Variants in KSR2 observed in about 807,000 individuals in gnomAD.
The protein encoded by KSR2 is kinase suppressor of ras 2.
KSR2 carries 25 observed loss-of-function variants against 107.8 expected under a neutral mutation model. The observed-to-expected ratio is 0.23, with a 90% CI of 0.17 to 0.32. The LOEUF (loss-of-function observed/expected upper bound fraction) is 0.32. Among genes scored for constraint, KSR2 ranks in the 10% least tolerant of loss-of-function variants. The probability of loss-of-function intolerance (pLI) is 1.00; values close to 1 mark genes in which losing one functional copy is unlikely to be tolerated. For missense variants in KSR2, 887 were observed against 1,268.9 expected (o/e 0.70, Z 4.57); for synonymous variants, 480 against 507.0 (o/e 0.95, Z 0.71).
intron 3 of KSR2, among the ~76,000 whole-genome samples, chr12:117,770,010 T>A (rs908259302): frequency 6.6e-6 from 1 of 151,140 alleles, no homozygotes; most frequent in African/African-American, 2.4e-5. Flanking sequence ...GCTAAGATTG[T>A]GTCATTGCAC....
chr12:117,606,697 TTTCTTCCTCCCC>T (rs774405602), intron 5 of KSR2, among the ~76,000 whole-genome samples: 6 of 140,444 alleles, frequency 4.3e-5, no homozygotes, highest in Non-Finnish European at 6.2e-5. Flanking sequence ...CCTCCCTTCC[TTTCTTCCTCCCC>T]TTCTTCCTCC....
At chr12:117,950,913 A>G (rs543493321) in intron 1 of KSR2, among the ~76,000 whole-genome samples, 2 of 151,352 alleles carry the variant, frequency 1.3e-5, no homozygotes, top group Non-Finnish European at 2.9e-5. Context: ...CTTCTTATTT[A>G]TTTATTTATT....
intron 4 of KSR2, among the ~76,000 whole-genome samples, chr12:117,711,047 C>T (rs1351725474): frequency 6.6e-6 from 1 of 152,192 alleles, no homozygotes; most frequent in Non-Finnish European, 1.5e-5. Context: ...GATCCTCTCC[C>T]TATCTTCATT....
rs923550608 is a variant in KSR2 at position 117,461,696 on chromosome 12, C to G, written c.*5503G>C. 3 of 167,548 alleles carry G rather than the reference C, an allele frequency of 1.8e-5. No individual in the cohort carries two copies. Among genetic ancestry groups the G allele is most frequent in the African/African-American group, 7.2e-5 (3 of 41,936 alleles). The allele number at this position is 167,548 out of a possible 1,614,324, so 10.4% of individuals were successfully genotyped here. On this transcript the variant is annotated 3_prime_UTR_variant, in exon 20 of 20. Transcript: ENST00000339824. ...ATTCCAGGACCCAGACTGACATTTG[C>G]TGCCTGTCACTCCCCTTGGAGTTCA...
chr12:117,462,577 ATT>A lies in KSR2; in HGVS notation c.*4620_*4621del, dbSNP rs1870957997. On this transcript the variant is annotated 3_prime_UTR_variant, in exon 20 of 20. Coordinates refer to ENST00000339824, the MANE Select transcript of KSR2 (RefSeq NM_173598.6). Reference sequence around the variant, plus strand: ...GGAACATGGCCCTGCTAACACTTTGATTTTGGACTTCTGGCATCCAGATGGGT... The same window carrying A: ...GGAACATGGCCCTGCTAACACTTTGATTGGACTTCTGGCATCCAGATGGGT... The A allele has an allele frequency of 6.6e-6, 1 of 152,142 alleles. No homozygotes were observed. The highest frequency in any genetic ancestry group is 1.5e-5 in the Non-Finnish European group (1 of 68,036). 9.4% of individuals were successfully genotyped at this position (152,142 alleles called of 1,614,324 possible). A position where few individuals can be genotyped will look rare whatever the true frequency, so the allele number is the denominator to read the frequency against.
At chr12:117,687,759 A>G (rs1260285361) in intron 4 of KSR2, among the ~76,000 whole-genome samples, 1 of 152,170 alleles carries the variant, frequency 6.6e-6, no homozygotes, top group Non-Finnish European at 1.5e-5. Flanking sequence ...GGTGCCAATC[A>G]GACCAATCTG....
intron 1 of KSR2, among the ~76,000 whole-genome samples, chr12:117,906,640 C>G (rs1419538885): frequency 1.3e-5 from 2 of 151,914 alleles, no homozygotes; most frequent in Non-Finnish European, 2.9e-5. Context: ...CACACAGTTT[C>G]TACTCTAGGG....
intron 5 of KSR2, among the ~76,000 whole-genome samples, chr12:117,623,633 T>C: frequency 6.6e-6 from 1 of 152,268 alleles, no homozygotes; most frequent in Non-Finnish European, 1.5e-5. Flanking sequence ...CTATCATTGA[T>C]GGACATTTGG....
intron 14 of KSR2, among the ~76,000 whole-genome samples, chr12:117,489,172 C>T (rs1258048933): frequency 2.7e-5 from 4 of 146,438 alleles, no homozygotes; most frequent in South Asian, 2.2e-4. Flanking sequence ...GTGTGGTGGG[C>T]GGGGGTGCTG....
intron 3 of KSR2, among the ~76,000 whole-genome samples, chr12:117,834,717 T>C (rs1892128686): frequency 6.6e-6 from 1 of 152,164 alleles, no homozygotes; most frequent in African/African-American, 2.4e-5. Context: ...AGAATCATAC[T>C]AATAGTAATA....
At chr12:117,966,725 A>T (rs1896809202) in intron 1 of KSR2, among the ~76,000 whole-genome samples, 1 of 148,450 alleles carries the variant, frequency 6.7e-6, no homozygotes, top group East Asian at 2.0e-4. Context: ...CAAAGGGATG[A>T]CCTCCTGCAT....
chr12:117,687,601 T>A (rs12317835), intron 4 of KSR2, among the ~76,000 whole-genome samples: 12,337 of 152,182 alleles, frequency 0.081, 776 homozygotes, highest in African/African-American at 0.17. Flanking sequence ...TCTGAGCCAA[T>A]AGCCTGTACT....
chr12:117,587,984 A>G (rs910129206), intron 5 of KSR2, among the ~76,000 whole-genome samples: 1 of 152,072 alleles, frequency 6.6e-6, no homozygotes, highest in African/African-American at 2.4e-5. Flanking sequence ...CCCAGGTCCA[A>G]TGCTACAGCT....
chr12:117,537,532 C>A (rs1221323853), intron 10 of KSR2, among the ~76,000 whole-genome samples: 1 of 152,154 alleles, frequency 6.6e-6, no homozygotes, highest in Admixed American at 6.5e-5. Flanking sequence ...AAGGTGGGTA[C>A]TATTATGATC....
Position 117,670,802 on chromosome 12 carries a change from A to G in KSR2, c.987-3144T>C, listed in dbSNP as rs139043180. On this transcript the variant is annotated intron_variant, in intron 4 of 19. Coordinates refer to ENST00000339824, the MANE Select transcript of KSR2 (RefSeq NM_173598.6). ...CAGGGACCCAGGAGAGTCCCTGTTC[A>G]GTGGCCCCCACGGAACGGCAAAGCT... Among the ~76,000 whole-genome samples, 686 of 152,304 alleles carry G rather than the reference A, an allele frequency of 4.5e-3. 7 individuals are homozygous for G. The highest frequency in any genetic ancestry group is 0.014 in the African/African-American group (598 of 41,572).
intron 1 of KSR2, among the ~76,000 whole-genome samples, chr12:117,927,149 G>A (rs913857487): frequency 1.3e-5 from 2 of 152,160 alleles, no homozygotes; most frequent in African/African-American, 2.4e-5. Flanking sequence ...GCCGAGGCGG[G>A]TGGATCCCTT....
intron 3 of KSR2, among the ~76,000 whole-genome samples, chr12:117,815,728 G>T (rs1891343947): frequency 6.6e-6 from 1 of 152,088 alleles, no homozygotes; most frequent in Admixed American, 6.6e-5. Context: ...TATAATCCCA[G>T]CACTTTGGGA....
intron 4 of KSR2, among the ~76,000 whole-genome samples, chr12:117,720,471 T>A (rs1339913797): frequency 6.6e-6 from 1 of 152,178 alleles, no homozygotes; most frequent in African/African-American, 2.4e-5. Flanking sequence ...TTTGGCCCCA[T>A]GCCTAAAAAG....
chr12:117,614,155 A>C (rs1352088339), intron 5 of KSR2, among the ~76,000 whole-genome samples: 1 of 152,234 alleles, frequency 6.6e-6, no homozygotes, highest in Admixed American at 6.5e-5. Flanking sequence ...GATAATAAGC[A>C]AGGTGAAGAA....
Sources: gnomAD v4.1 joint callset for allele counts (sites outside exome capture counted in the v4.1 genomes callset) on GRCh38, gnomAD v4.1.1 for gene constraint, MANE v1.5 for transcripts, NCBI Gene and HGNC (gene_info 2026-07-23, HGNC 2026-07-21) for gene names.